NOL4L: variants seen among roughly 807,000 people sequenced by gnomAD.
The protein encoded by NOL4L is nucleolar protein 4-like.
A neutral mutation model predicts 64.5 loss-of-function variants in NOL4L; 7 were observed. The observed-to-expected ratio is 0.11, with a 90% CI of 0.06 to 0.20. The LOEUF is 0.20. NOL4L is among the 10% of genes least tolerant of loss of function. The pLI, the probability that NOL4L is intolerant of heterozygous loss-of-function variation, is 1.00. For synonymous variants in NOL4L, 413 were observed against 401.0 expected (o/e 1.03, Z -0.36); for missense variants, 680 against 967.1 (o/e 0.70, Z 3.94).
intron 1 of NOL4L, chr20:32,535,603 C>T: frequency 1.0e-6 from 1 of 985,584 alleles, no homozygotes; most frequent in Non-Finnish European, 1.2e-6. Flanking sequence ...CGCTGGGGAC[C>T]AAAACGCACA....
intron 1 of NOL4L, among the ~76,000 whole-genome samples, chr20:32,557,479 C>T (rs940286225): frequency 6.6e-6 from 1 of 152,248 alleles, no homozygotes; most frequent in Non-Finnish European, 1.5e-5. Context: ...CAAGTCTCCT[C>T]GGTTGGGCAT....
chr20:32,528,800 A>G (rs2018239547), intron 1 of NOL4L, among the ~76,000 whole-genome samples: 1 of 152,214 alleles, frequency 6.6e-6, no homozygotes, highest in Admixed American at 6.5e-5. Flanking sequence ...AGACCCAGAG[A>G]CACTAGGCTG....
Position 32,446,228 on chromosome 20 carries a change from T to TATCAATC in NOL4L, c.*1361_*1367dup, listed in dbSNP as rs2012324319. 1.3e-5 allele frequency: 2 copies of TATCAATC among 151,886 alleles called. No homozygotes were observed. The highest frequency in any genetic ancestry group is 4.8e-5 in the African/African-American group (2 of 41,466). 9.4% of individuals were successfully genotyped at this position (151,886 alleles called of 1,614,324 possible). On this transcript the variant is annotated 3_prime_UTR_variant, in exon 11 of 11. Transcript: ENST00000621426. ...ATTGCACTGAGCAAGAGGAAGTGCC[T>TATCAATC]ATCAATCAATCAATCAGGGAGGAAG...
At chr20:32,448,556 C>G (rs905247299) in intron 10 of NOL4L, among the ~76,000 whole-genome samples, 1 of 152,178 alleles carries the variant, frequency 6.6e-6, no homozygotes, top group Non-Finnish European at 1.5e-5. Flanking sequence ...TGCTAAGCCT[C>G]AAGCACCTCG....
chr20:32,575,368 C>T lies in NOL4L; in HGVS notation c.321+9202G>A, dbSNP rs556272907. Among the ~76,000 whole-genome samples the T allele has an allele frequency of 7.2e-5, 11 of 152,320 alleles. No individual in the cohort carries two copies. In the East Asian group the frequency reaches 9.7e-4, roughly 13 times the overall value. On this transcript the variant is annotated intron_variant, in intron 1 of 10. Coordinates refer to ENST00000621426, the MANE Select transcript of NOL4L (RefSeq NM_001256798.2). ...ATTGGCCCTGGGATCCGTCGTACAACGCCCACGCTGACCCCGCCAAAACCA... is the reference window on the plus strand; with the variant it reads ...ATTGGCCCTGGGATCCGTCGTACAATGCCCACGCTGACCCCGCCAAAACCA...
At chr20:32,495,318 G>A (rs1228574029) in intron 4 of NOL4L, among the ~76,000 whole-genome samples, 1 of 152,234 alleles carries the variant, frequency 6.6e-6, no homozygotes, top group Admixed American at 6.5e-5. Flanking sequence ...TGGGCTCTGT[G>A]ACTCATATCT....
At chr20:32,565,442 CAT>C (rs2145616538) in intron 1 of NOL4L, among the ~76,000 whole-genome samples, 1 of 152,344 alleles carries the variant, frequency 6.6e-6, no homozygotes, top group African/African-American at 2.4e-5. Flanking sequence ...GCATAGCACA[CAT>C]GTGCAGGAGG....
Position 32,447,635 on chromosome 20 carries a change from A to G in NOL4L, c.2004T>C (p.Ser668=). 1.2e-6 allele frequency: 2 copies of G among 1,608,970 alleles called. No homozygotes were observed. The highest frequency in any genetic ancestry group is 1.7e-6 in the Non-Finnish European group (2 of 1,179,806). ...GGATGAGGTTTTCCAGTTCATCTGC[A>G]GAGCGCAGCAGGAAGGCAGCAGACT... The part of the protein sequence containing the change: ...YRESAAFLLR[S]ADELENLILQ... The change falls in exon 11 of 11, where the codon TCT becomes TCC. Residue 668 remains serine (S), a synonymous_variant. Transcript: ENST00000621426.
At chr20:32,514,714 C>T (rs758997267) in intron 3 of NOL4L, among the ~76,000 whole-genome samples, 1 of 151,994 alleles carries the variant, frequency 6.6e-6, no homozygotes, top group Non-Finnish European at 1.5e-5. Context: ...ATACATTGAC[C>T]GGGTCGGATG....
intron 1 of NOL4L, among the ~76,000 whole-genome samples, chr20:32,543,618 CA>C (rs951409926): frequency 7.2e-4 from 96 of 133,442 alleles, no homozygotes; most frequent in Non-Finnish European, 6.5e-4. Flanking sequence ...GACTCTGTCA[CA>C]AAAAAAAAAA....
rs1033918480 is a variant in NOL4L at position 32,445,970 on chromosome 20, G to A, written c.*1626C>T. The A allele has an allele frequency of 6.6e-6, 1 of 152,294 alleles. No individual in the cohort carries two copies. Among genetic ancestry groups the A allele is most frequent in the African/African-American group, 2.4e-5 (1 of 41,438 alleles). The allele number at this position is 152,294 out of a possible 1,614,324, so 9.4% of individuals were successfully genotyped here. A position where few individuals can be genotyped will look rare whatever the true frequency, so the allele number is the denominator to read the frequency against. ...CTGCAGAAAAGCTGGTTTGGGAAGG[G>A]GTGCCTGTTCTGGGAGCGAGTGGCT... On this transcript the variant is annotated 3_prime_UTR_variant, in exon 11 of 11. Transcript: ENST00000621426.
intron 5 of NOL4L, 79 bp from the exon 6 acceptor site, chr20:32,456,474 T>C: frequency 7.5e-7 from 1 of 1,333,850 alleles, no homozygotes; most frequent in Non-Finnish European, 9.8e-7. Context: ...TCCCACCCTG[T>C]GTCCTCCTCA....
At chr20:32,452,524 C>A (rs181509028) in intron 9 of NOL4L, 87 bp from the exon 10 acceptor site, 9 of 1,239,872 alleles carry the variant, frequency 7.3e-6, no homozygotes, top group South Asian at 1.5e-5. Flanking sequence ...ATAAATGCTG[C>A]GGCCCCAGGA....
In NOL4L at chr20:32,452,446, G is replaced by A. The variant is rs755727672; in HGVS notation, c.1621-9C>T. ...AGGGCTATGGGCTCATCCTGCAGAG[G>A]GGAGAGGGGGGCGCTGGGGAAACCA... On this transcript the variant is annotated splice_polypyrimidine_tract_variant and intron_variant, in intron 9 of 10. Transcript: ENST00000621426. The A allele has an allele frequency of 5.8e-6, 9 of 1,564,826 alleles. No homozygotes were observed. The highest frequency in any genetic ancestry group is 7.8e-6 in the Non-Finnish European group (9 of 1,154,726).
chr20:32,462,118 G>A (rs955485499), intron 5 of NOL4L, among the ~76,000 whole-genome samples: 2 of 152,214 alleles, frequency 1.3e-5, no homozygotes, highest in Non-Finnish European at 2.9e-5. Context: ...ACCTGGGGTT[G>A]CTGGGCCCGT....
chr20:32,541,333 G>A (rs909545428), intron 1 of NOL4L, among the ~76,000 whole-genome samples: 3 of 152,194 alleles, frequency 2.0e-5, no homozygotes, highest in Non-Finnish European at 2.9e-5. Flanking sequence ...TCTGAAGCTG[G>A]AGCTCACTTC....
intron 1 of NOL4L, among the ~76,000 whole-genome samples, chr20:32,563,985 A>G (rs982275867): frequency 1.3e-5 from 2 of 152,218 alleles, no homozygotes; most frequent in Non-Finnish European, 2.9e-5. Flanking sequence ...GGAAAGGCCG[A>G]GCTTGCAGGA....
intron 3 of NOL4L, among the ~76,000 whole-genome samples, chr20:32,514,064 C>A (rs116345554): frequency 6.6e-6 from 1 of 152,158 alleles, no homozygotes; most frequent in Non-Finnish European, 1.5e-5. Context: ...TCCTCTTTGA[C>A]GCTGTGTACT....
At chr20:32,461,162 A>G (rs1396862110) in intron 5 of NOL4L, among the ~76,000 whole-genome samples, 4 of 152,180 alleles carry the variant, frequency 2.6e-5, no homozygotes, top group Admixed American at 2.0e-4. Flanking sequence ...CTGCAGCCGC[A>G]AGGGCTGAGT....
Sources: allele counts gnomAD v4.1 joint callset (sites outside exome capture counted in the v4.1 genomes callset), GRCh38; gene constraint gnomAD v4.1.1; transcripts MANE v1.5; gene names NCBI Gene and HGNC (gene_info 2026-07-23, HGNC 2026-07-21).